Variants in WASF2 observed in about 807,000 individuals in gnomAD.
The protein encoded by WASF2 is actin-binding protein WASF2.
Under a neutral mutation model 45.0 loss-of-function variants are expected in WASF2, and 14 were observed. The ratio of observed to expected loss-of-function variants is 0.31; its 90% confidence interval spans 0.21 to 0.49. The LOEUF is 0.49. Ranked by LOEUF, WASF2 falls within the 20% of genes least tolerant of loss-of-function variation. The pLI, the probability that WASF2 is intolerant of heterozygous loss-of-function variation, is 0.99. For missense variants in WASF2, 439 were observed against 636.1 expected (o/e 0.69, Z 3.33); for synonymous variants, 200 against 236.3 (o/e 0.85, Z 1.41).
intron 1 of WASF2, among the ~76,000 whole-genome samples, chr1:27,485,714 T>TTTTG (rs964162631): frequency 5.1e-4 from 77 of 152,128 alleles, no homozygotes; most frequent in African/African-American, 1.8e-3. Context: ...TATCATGTAA[T>TTTTG]TTTGTTTGTT....
intron 1 of WASF2, among the ~76,000 whole-genome samples, chr1:27,489,134 T>C (rs943620335): frequency 1.5e-4 from 23 of 151,888 alleles, no homozygotes; most frequent in African/African-American, 5.3e-4. Flanking sequence ...CTAGGATTCC[T>C]GGAGAACCAA....
rs1275796255 is a variant in WASF2, at chr1:27,404,723, T to C, written c.*3466A>G. The stretch of plus-strand genomic sequence containing the variant: ...ATTCTAGACAGAAAGTAAAAACTGG[T>C]TAGTTCCTCAAGTGAATTAACTGAA... On this transcript the variant is annotated 3_prime_UTR_variant, in exon 9 of 9. Transcript: ENST00000618852. 4 of 152,202 alleles carry C rather than the reference T, an allele frequency of 2.6e-5. No individual in the cohort carries two copies. The highest frequency in any genetic ancestry group is 9.6e-5 in the African/African-American group (4 of 41,462). 9.4% of individuals were successfully genotyped at this position (152,202 alleles called of 1,614,324 possible).
At chr1:27,422,618 CAA>C (rs782035111) in intron 2 of WASF2, among the ~76,000 whole-genome samples, 19 of 128,818 alleles carry the variant, frequency 1.5e-4, no homozygotes, top group African/African-American at 3.9e-4. Flanking sequence ...GACTCCGTCT[CAA>C]AAAAAAAAAA....
chr1:27,439,153 A>T (rs981350151), intron 1 of WASF2, among the ~76,000 whole-genome samples: 3 of 152,218 alleles, frequency 2.0e-5, no homozygotes, highest in African/African-American at 7.2e-5. Context: ...ATAGCTTTGG[A>T]ACCTTGGCAA....
In WASF2 at chr1:27,419,096, G is replaced by A. The variant is rs752852130; in HGVS notation, c.131-8C>T. 4.3e-6 allele frequency: 7 copies of A among 1,612,994 alleles called. No individual in the cohort carries two copies. The South Asian group carries it at 5.5e-5, about 13-fold the overall frequency. Reference sequence around the variant, plus strand: ...TGTCCTCTGCATATTTACCTGGAAAGAGCAAAGAAACCAAGTCACTAGTGC... The same window carrying A: ...TGTCCTCTGCATATTTACCTGGAAAAAGCAAAGAAACCAAGTCACTAGTGC... On this transcript the variant is annotated splice_polypyrimidine_tract_variant and splice_region_variant and intron_variant, in intron 2 of 8. Coordinates refer to ENST00000618852, the MANE Select transcript of WASF2 (RefSeq NM_006990.5).
At position 27,458,308 on chromosome 1, in the gene WASF2, T is replaced by TA. The variant is rs71010355; in HGVS notation, c.-43-29376dup. ...AGCCTGGGTGACAGAGCGAGATTCTTAAAAAAAAAAAAAAAAAAAAAAAAA... is the reference window on the plus strand; with the variant it reads ...AGCCTGGGTGACAGAGCGAGATTCTTAAAAAAAAAAAAAAAAAAAAAAAAAA... On this transcript the variant is annotated intron_variant, in intron 1 of 8. Coordinates refer to ENST00000618852, the MANE Select transcript of WASF2 (RefSeq NM_006990.5). 5.0e-3 allele frequency among the ~76,000 whole-genome samples: 148 copies of TA among 29,410 alleles called. 2 individuals are homozygous for TA. The highest frequency in any genetic ancestry group is 5.9e-3 in the African/African-American group (51 of 8,710). 19.3% of individuals were successfully genotyped at this position (29,410 alleles called of 152,430 possible).
chr1:27,452,383 C>A (rs992158567), intron 1 of WASF2, among the ~76,000 whole-genome samples: 1 of 151,666 alleles, frequency 6.6e-6, no homozygotes, highest in Non-Finnish European at 1.5e-5. Flanking sequence ...CGTGGTGGTG[C>A]GCACCTGTAG....
chr1:27,454,866 A>AT (rs967786802), intron 1 of WASF2, among the ~76,000 whole-genome samples: 5 of 151,878 alleles, frequency 3.3e-5, no homozygotes, highest in South Asian at 2.1e-4. Flanking sequence ...CGACATTGGG[A>AT]TTTTTTCTCC....
At chr1:27,468,732 C>T (rs2017649401) in intron 1 of WASF2, among the ~76,000 whole-genome samples, 1 of 151,324 alleles carries the variant, frequency 6.6e-6, no homozygotes, top group Admixed American at 6.6e-5. Context: ...GTAATCCCAG[C>T]ACTTTGGGAG....
At chr1:27,455,943 T>TC (rs1393060304) in intron 1 of WASF2, among the ~76,000 whole-genome samples, 1 of 152,182 alleles carries the variant, frequency 6.6e-6, no homozygotes, top group Non-Finnish European at 1.5e-5. Flanking sequence ...AAGCAGCCCT[T>TC]CTGTCACTCA....
intron 1 of WASF2, among the ~76,000 whole-genome samples, chr1:27,446,914 C>A (rs1439407881): frequency 6.6e-6 from 1 of 152,110 alleles, no homozygotes; most frequent in African/African-American, 2.4e-5. Flanking sequence ...GCTCTCTGGT[C>A]TCTAGCCCCT....
intron 2 of WASF2, among the ~76,000 whole-genome samples, chr1:27,419,902 T>C (rs563124886): frequency 9.2e-5 from 14 of 152,176 alleles, no homozygotes; most frequent in African/African-American, 3.1e-4. Flanking sequence ...TTATAACTTA[T>C]AATTTTTTTT....
In WASF2 at chr1:27,405,554, C is replaced by G. The variant is rs2016657787; in HGVS notation, c.*2635G>C. ...GTGAGTCCAAAAACAGGATTACCTG[C>G]ATTGGGTCCTTTATCATCTTAAAGG... On this transcript the variant is annotated 3_prime_UTR_variant, in exon 9 of 9. Transcript: ENST00000618852. The G allele has an allele frequency of 6.8e-6, 1 of 147,916 alleles. No homozygotes were observed. The highest frequency in any genetic ancestry group is 1.5e-5 in the Non-Finnish European group (1 of 67,490). The allele number at this position is 147,916 out of a possible 1,614,324, so 9.2% of individuals were successfully genotyped here. A position where few individuals can be genotyped will look rare whatever the true frequency, so the allele number is the denominator to read the frequency against.
chr1:27,456,380 GAAAAAAAATCA>G (rs940423772), intron 1 of WASF2, among the ~76,000 whole-genome samples: 1 of 142,390 alleles, frequency 7.0e-6, no homozygotes, highest in African/African-American at 2.6e-5. Flanking sequence ...AGACTATGAA[GAAAAAAAATCA>G]GAGAAAAAGC....
At chr1:27,421,680 G>A (rs1458205817) in intron 2 of WASF2, among the ~76,000 whole-genome samples, 1 of 152,220 alleles carries the variant, frequency 6.6e-6, no homozygotes, top group Admixed American at 6.5e-5. Flanking sequence ...GATGGGCATG[G>A]TGGCAGGCGC....
chr1:27,489,292 T>C (rs543273628), intron 1 of WASF2, among the ~76,000 whole-genome samples: 432 of 113,380 alleles, frequency 3.8e-3, no homozygotes, highest in Middle Eastern at 0.01. Flanking sequence ...ACACACACAG[T>C]GTCCTCCTCA....
intron 1 of WASF2, among the ~76,000 whole-genome samples, chr1:27,445,254 G>A (rs2017296132): frequency 6.6e-6 from 1 of 152,116 alleles, no homozygotes; most frequent in Non-Finnish European, 1.5e-5. Context: ...TCCAAGGTAA[G>A]TAGTAATATT....
At chr1:27,461,306 C>T (rs960582707) in intron 1 of WASF2, among the ~76,000 whole-genome samples, 10 of 152,090 alleles carry the variant, frequency 6.6e-5, no homozygotes, top group African/African-American at 2.4e-4. Context: ...TTACACATCT[C>T]TCCACACACA....
intron 2 of WASF2, among the ~76,000 whole-genome samples, chr1:27,426,085 G>A (rs1557601012): frequency 6.6e-6 from 1 of 152,128 alleles, no homozygotes; most frequent in Non-Finnish European, 1.5e-5. Flanking sequence ...GGCTAGAAAG[G>A]AAGGCAGGTC....
Sources: allele counts gnomAD v4.1 joint callset (sites outside exome capture counted in the v4.1 genomes callset), GRCh38; gene constraint gnomAD v4.1.1; transcripts MANE v1.5; gene names NCBI Gene and HGNC (gene_info 2026-07-23, HGNC 2026-07-21).